CERKL: variants seen among roughly 807,000 people sequenced by gnomAD.
The protein encoded by CERKL is CERK like autophagy regulator.
Under a neutral mutation model 63.4 loss-of-function variants are expected in CERKL, and 61 were observed. That is an observed-to-expected ratio of 0.96 (90% CI 0.78 to 1.19). The LOEUF (loss-of-function observed/expected upper bound fraction) is 1.19, where lower values mean the gene tolerates loss of function less well. CERKL is among the 50% of genes most tolerant of loss of function. CERKL has a pLI of 0.00. For missense variants in CERKL, 675 were observed against 655.5 expected (o/e 1.03, Z -0.33); for synonymous variants, 250 against 230.5 (o/e 1.08, Z -0.77).
intron 1 of CERKL, among the ~76,000 whole-genome samples, chr2:181,643,733 G>A (rs1687547869): frequency 1.3e-5 from 2 of 152,264 alleles, no homozygotes; most frequent in South Asian, 2.1e-4. Context: ...TGAGCATTTG[G>A]CATCTCTGTC....
chr2:181,572,885 G>A (rs1052372830), intron 3 of CERKL, among the ~76,000 whole-genome samples: 42 of 150,208 alleles, frequency 2.8e-4, no homozygotes, highest in African/African-American at 1.0e-3. Flanking sequence ...TTTGTTTACA[G>A]CTGAGTAAAG....
chr2:181,626,394 G>T (rs182043968), intron 1 of CERKL, among the ~76,000 whole-genome samples: 108 of 152,194 alleles, frequency 7.1e-4, no homozygotes, highest in African/African-American at 2.4e-3. Flanking sequence ...GAAGGCACAG[G>T]AAGGAAAGAA....
At chr2:181,584,861 A>T (rs1684693467) in intron 2 of CERKL, among the ~76,000 whole-genome samples, 4 of 150,938 alleles carry the variant, frequency 2.7e-5, no homozygotes, top group Admixed American at 1.3e-4. Flanking sequence ...AAAAGTAAAA[A>T]CTCATACAAA....
Position 181,548,871 on chromosome 2 carries a change from TTAAA to T in CERKL, c.896-18_896-15del, listed in dbSNP as rs941111205. ...GCTGTACATGCCCTTGAATATTACA[TTAAA>T]TATTAATCAGTGAGTACAGTAGGAC... On this transcript the variant is annotated splice_polypyrimidine_tract_variant and intron_variant, in intron 6 of 12. Coordinates refer to ENST00000410087, the MANE Select transcript of CERKL (RefSeq NM_201548.5). 6.2e-7 allele frequency: 1 copy of T among 1,610,554 alleles called. No individual in the cohort carries two copies. Among genetic ancestry groups the T allele is most frequent in the Non-Finnish European group, 8.5e-7 (1 of 1,176,980 alleles).
At chr2:181,625,207 C>T (rs768962672) in intron 1 of CERKL, among the ~76,000 whole-genome samples, 43 of 152,188 alleles carry the variant, frequency 2.8e-4, no homozygotes, top group Non-Finnish European at 4.9e-4. Flanking sequence ...AGTGTGACTA[C>T]TTGTCAGACT....
intron 1 of CERKL, among the ~76,000 whole-genome samples, chr2:181,637,611 G>A (rs1687236449): frequency 6.6e-6 from 1 of 152,096 alleles, no homozygotes; most frequent in African/African-American, 2.4e-5. Context: ...CCAGAGCTTT[G>A]AGGAACAAAT....
chr2:181,655,434 C>T (rs1688115303), intron 1 of CERKL, among the ~76,000 whole-genome samples: 1 of 152,224 alleles, frequency 6.6e-6, no homozygotes, highest in Non-Finnish European at 1.5e-5. Context: ...TATTGCATAA[C>T]TCGAATTGCC....
At chr2:181,633,708 A>T (rs1199719132) in intron 1 of CERKL, among the ~76,000 whole-genome samples, 33 of 152,188 alleles carry the variant, frequency 2.2e-4, no homozygotes, top group Non-Finnish European at 1.5e-5. Context: ...TTCAGTCAAG[A>T]TCATGAAAAG....
chr2:181,649,349 A>C (rs1476590796), intron 1 of CERKL, among the ~76,000 whole-genome samples: 1 of 152,242 alleles, frequency 6.6e-6, no homozygotes, highest in Admixed American at 6.5e-5. Context: ...CAACAACAGG[A>C]TATAACAATT....
intron 1 of CERKL, among the ~76,000 whole-genome samples, chr2:181,636,540 G>C (rs1445008928): frequency 6.6e-6 from 1 of 151,676 alleles, no homozygotes; most frequent in East Asian, 1.9e-4. Context: ...TTTTCAGGTT[G>C]AGACGCCAAC....
chr2:181,621,535 T>C (rs1437636203), intron 1 of CERKL, among the ~76,000 whole-genome samples: 1 of 152,214 alleles, frequency 6.6e-6, no homozygotes, highest in African/African-American at 2.4e-5. Context: ...GCAGTCTACA[T>C]AGATGGTAAT....
At position 181,539,223 on chromosome 2, in the gene CERKL, T is replaced by G; in HGVS notation, c.1407A>C (p.Val469=). The part of the protein sequence containing the change: ...PFVETYTVEE[V]KVHPRNNTGG... The stretch of plus-strand genomic sequence containing the variant: ...CAGTATTATTCCTTGGATGAACTTT[T>G]ACTTCCTCAACAGTGTAAGTCTCAA... The change falls in exon 12 of 13, where the codon GTA becomes GTC. Residue 469 remains valine (V), a synonymous_variant. Transcript: ENST00000410087. 6.2e-7 allele frequency: 1 copy of G among 1,602,388 alleles called. No individual in the cohort carries two copies. Among genetic ancestry groups the G allele is most frequent in the Non-Finnish European group, 8.6e-7 (1 of 1,169,554 alleles).
At chr2:181,578,221 T>A (rs35021522) in intron 2 of CERKL, among the ~76,000 whole-genome samples, 7 of 151,472 alleles carry the variant, frequency 4.6e-5, no homozygotes, top group Non-Finnish European at 1.5e-5. Context: ...CACATATATA[T>A]ACACACACAC....
intron 11 of CERKL, among the ~76,000 whole-genome samples, chr2:181,544,481 A>G (rs1687638873): frequency 6.6e-6 from 1 of 151,692 alleles, no homozygotes; most frequent in Non-Finnish European, 1.5e-5. Flanking sequence ...GGTTACAGAT[A>G]CATAACCACT....
intron 4 of CERKL, among the ~76,000 whole-genome samples, chr2:181,560,478 C>A (rs934274710): frequency 6.6e-6 from 1 of 152,064 alleles, no homozygotes; most frequent in Non-Finnish European, 1.5e-5. Context: ...GAAACTAATA[C>A]AAATGACAAT....
chr2:181,646,989 A>G (rs1687697738), intron 1 of CERKL, among the ~76,000 whole-genome samples: 1 of 152,238 alleles, frequency 6.6e-6, no homozygotes, highest in Admixed American at 6.5e-5. Context: ...AGCTTGTAGG[A>G]TCAAGGCAGG....
intron 12 of CERKL, 73 bp downstream of exon 12, chr2:181,539,019 G>T (rs964419361): frequency 3.1e-5 from 35 of 1,128,796 alleles, no homozygotes; most frequent in African/African-American, 6.1e-5. Context: ...ATAGTTCAGA[G>T]AAGAGAGCTT....
chr2:181,621,131 A>G (rs1259803548), intron 1 of CERKL, among the ~76,000 whole-genome samples: 1 of 152,216 alleles, frequency 6.6e-6, no homozygotes. Context: ...CCATTGAAAA[A>G]AGAGTTAAGT....
chr2:181,580,779 G>A (rs927715959), intron 2 of CERKL, among the ~76,000 whole-genome samples: 10 of 152,074 alleles, frequency 6.6e-5, no homozygotes, highest in African/African-American at 2.2e-4. Flanking sequence ...AATAAAATCT[G>A]GAGTTTTCTT....
Sources: allele counts gnomAD v4.1 joint callset (sites outside exome capture counted in the v4.1 genomes callset), GRCh38; gene constraint gnomAD v4.1.1; transcripts MANE v1.5; gene names NCBI Gene and HGNC (gene_info 2026-07-23, HGNC 2026-07-21).